ESRRA: variants seen among roughly 807,000 people sequenced by gnomAD.
ESRRA encodes the protein estrogen related receptor alpha.
ESRRA carries 7 observed loss-of-function variants against 35.6 expected under a neutral mutation model. That is an observed-to-expected ratio of 0.20 (90% CI 0.11 to 0.37). ESRRA has a LOEUF of 0.37. Ranked by LOEUF, ESRRA falls within the 10% of genes least tolerant of loss-of-function variation. ESRRA has a pLI of 1.00. For missense variants in ESRRA, 378 were observed against 561.7 expected, an observed-to-expected ratio of 0.67 and a Z score of 3.31; for synonymous variants, 223 against 246.9, an observed-to-expected ratio of 0.90 and a Z score of 0.91.
chr11:64,312,466 C>T (rs560200719), intron 2 of ESRRA, among the ~76,000 whole-genome samples: 38 of 152,222 alleles, frequency 2.5e-4, no homozygotes, highest in Middle Eastern at 3.4e-3. Flanking sequence ...AGTGCAGAAG[C>T]GCAAATAGGG....
Position 64,316,213 on chromosome 11 carries a change from G to C in ESRRA, c.*247G>C, listed in dbSNP as rs2035259060. On this transcript the variant is annotated 3_prime_UTR_variant, in exon 7 of 7. Transcript: ENST00000000442. The stretch of plus-strand genomic sequence containing the variant: ...CCTTGCAAGCCATAACGTGCCCCCA[G>C]AGTGTAGGGGGCCTTGCGGAAGCCA... 2 of 467,160 alleles carry C rather than the reference G, an allele frequency of 4.3e-6. No individual in the cohort carries two copies. The highest frequency in any genetic ancestry group is 3.9e-5 in the African/African-American group (2 of 50,864). The allele number at this position is 467,160 out of a possible 1,614,324, so 28.9% of individuals were successfully genotyped here.
rs2035120677 is a variant in ESRRA at position 64,310,551 on chromosome 11, T to G, written c.325+3047T>G. On this transcript the variant is annotated intron_variant, in intron 2 of 6. Transcript: ENST00000000442. Reference sequence around the variant, plus strand: ...TCCTGGCCAGGTTTTTTTTTTTTTTTTTTTTTTTTTTGAGATGGAGTTTTG... The same window carrying G: ...TCCTGGCCAGGTTTTTTTTTTTTTTGTTTTTTTTTTTGAGATGGAGTTTTG... 4.9e-5 allele frequency among the ~76,000 whole-genome samples: 7 copies of G among 144,292 alleles called. No homozygotes were observed. The South Asian group carries it at 1.7e-3, about 36-fold the overall frequency. The allele number at this position is 144,292 out of a possible 152,430, so 94.7% of individuals were successfully genotyped here. A position where few individuals can be genotyped will look rare whatever the true frequency, so the allele number is the denominator to read the frequency against.
intron 2 of ESRRA, among the ~76,000 whole-genome samples, chr11:64,311,503 C>G (rs2035139773): frequency 6.6e-6 from 1 of 151,884 alleles, no homozygotes; most frequent in Non-Finnish European, 1.5e-5. Context: ...GCAAGCTCCG[C>G]CTCCCGGGTT....
chr11:64,314,122 G>A (rs1273647719), intron 3 of ESRRA, 55 bp downstream of exon 3: 1 of 1,552,550 alleles, frequency 6.4e-7, no homozygotes, highest in Admixed American at 1.9e-5. Flanking sequence ...ACCCGGGCCA[G>A]GTGGGGGTGA....
In ESRRA at chr11:64,316,472, C is replaced by T. The variant is rs1170520564; in HGVS notation, c.*506C>T. ...GCAATAACTCCAAGCAGACTCCAGCCCCTGGACCCCTGGGGTGGCCAGGGC... is the reference window on the plus strand; with the variant it reads ...GCAATAACTCCAAGCAGACTCCAGCTCCTGGACCCCTGGGGTGGCCAGGGC... On this transcript the variant is annotated 3_prime_UTR_variant, in exon 7 of 7. Coordinates refer to ENST00000000442, the MANE Select transcript of ESRRA (RefSeq NM_004451.5). The T allele has an allele frequency of 1.8e-5, 4 of 217,042 alleles. No individual in the cohort carries two copies. The South Asian group carries it at 2.6e-4, about 14-fold the overall frequency. The allele number at this position is 217,042 out of a possible 1,614,324, so 13.4% of individuals were successfully genotyped here.
At position 64,315,965 on chromosome 11, in the gene ESRRA, G is replaced by A; in HGVS notation, c.1271G>A (p.Ter424=). The change falls in exon 7 of 7, where the codon TGA becomes TAA. Residue 424 remains the stop codon, a stop_retained_variant. Coordinates refer to ENST00000000442, the MANE Select transcript of ESRRA (RefSeq NM_004451.5). ...FLEMLEAMMD[*] ...GAGATGCTCGAGGCCATGATGGACT[G>A]AGGCAAGGGGTGGGACTGGTGGGGG... is the stretch of plus-strand genomic sequence containing the variant. The A allele has an allele frequency of 1.3e-6, 2 of 1,562,826 alleles. No homozygotes were observed. Among genetic ancestry groups the A allele is most frequent in the Non-Finnish European group, 1.7e-6 (2 of 1,150,048 alleles).
At chr11:64,309,960 A>C (rs1348447763) in intron 2 of ESRRA, among the ~76,000 whole-genome samples, 1 of 150,614 alleles carries the variant, frequency 6.6e-6, no homozygotes, top group Non-Finnish European at 1.5e-5. Flanking sequence ...AAAAATCTTG[A>C]GTGCTTACCT....
At chr11:64,310,567 T>G (rs2035121543) in intron 2 of ESRRA, among the ~76,000 whole-genome samples, 1 of 117,366 alleles carries the variant, frequency 8.5e-6, no homozygotes, top group Non-Finnish European at 1.7e-5. Context: ...TTTTTTGAGA[T>G]GGAGTTTTGC....
In ESRRA at chr11:64,305,583, G is replaced by C. The variant is rs1473224759; in HGVS notation, c.-166G>C. ...GATGTCCTTTTGTGTCCTACAAGCA[G>C]CCGGCGGCGCCGCCGAGTGAGGGGA... On this transcript the variant is annotated 5_prime_UTR_variant, in exon 1 of 7. Coordinates refer to ENST00000000442, the MANE Select transcript of ESRRA (RefSeq NM_004451.5). This position sits in a 1 kb window ranked among gnomAD's most constrained non-coding sequence, Gnocchi z 5.8. The C allele has an allele frequency of 2.0e-5, 3 of 151,314 alleles. No individual in the cohort carries two copies. Among genetic ancestry groups the C allele is most frequent in the South Asian group, 4.1e-4 (2 of 4,844 alleles). 9.4% of individuals were successfully genotyped at this position (151,314 alleles called of 1,614,324 possible).
intron 6 of ESRRA, 71 bp downstream of exon 6, chr11:64,315,341 C>A: frequency 6.8e-7 from 1 of 1,465,726 alleles, no homozygotes; most frequent in Non-Finnish European, 9.1e-7. Flanking sequence ...GTGACGGTAG[C>A]ACAGCCCCAT....
At chr11:64,307,066 GA>G in intron 1 of ESRRA, 101 bp from the exon 2 acceptor site, 1 of 958,992 alleles carries the variant, frequency 1.0e-6, no homozygotes, top group Non-Finnish European at 1.5e-6. Context: ...GCTGGGCTTG[GA>G]AGCCTGGCCC....
rs1465576747 is a variant in ESRRA, at chr11:64,313,848, C to A, written c.326-103C>A. 1 of 761,416 alleles carries A rather than the reference C, an allele frequency of 1.3e-6. No homozygotes were observed. Among genetic ancestry groups the A allele is most frequent in the Non-Finnish European group, 2.2e-6 (1 of 464,290 alleles). The allele number at this position is 761,416 out of a possible 1,614,324, so 47.2% of individuals were successfully genotyped here. A position where few individuals can be genotyped will look rare whatever the true frequency, so the allele number is the denominator to read the frequency against. On this transcript the variant is annotated intron_variant, in intron 2 of 6. Coordinates refer to ENST00000000442, the MANE Select transcript of ESRRA (RefSeq NM_004451.5). This position sits in a 1 kb window ranked among gnomAD's most constrained non-coding sequence, Gnocchi z 4.0. ...CCTGCTCTCCCTTTCCTCCCCATAC[C>A]CCCAGACCTGTGCTTGCCCGGGGAG...
intron 2 of ESRRA, among the ~76,000 whole-genome samples, chr11:64,309,804 T>A (rs1455958106): frequency 6.6e-6 from 1 of 151,396 alleles, no homozygotes; most frequent in Admixed American, 6.6e-5. Context: ...TCGTGGTGGG[T>A]GCCTGTAGTC....
chr11:64,312,081 C>G (rs1483503907), intron 2 of ESRRA, among the ~76,000 whole-genome samples: 1 of 151,248 alleles, frequency 6.6e-6, no homozygotes, highest in Non-Finnish European at 1.5e-5. Flanking sequence ...CGGGTTCAAG[C>G]GATTCTCCTG....
chr11:64,315,820 C>T lies in ESRRA; in HGVS notation c.1126C>T (p.Arg376Trp), dbSNP rs921645222. 1.3e-5 allele frequency: 21 copies of T among 1,611,464 alleles called. No individual in the cohort carries two copies. Among genetic ancestry groups the T allele is most frequent in the South Asian group, 3.3e-5 (3 of 90,916 alleles). Residue 376 changes from arginine (R) to tryptophan (W), a missense_variant, in exon 7 of 7, where the codon CGG becomes TGG. By Grantham distance (101) the Arg-to-Trp change is moderately radical. Transcript: ENST00000000442. ...TGGCCCCGGAGGGGGTGCTGAGCGG[C>T]GGCGGGCGGGCAGGCTGCTGCTCAC... ...RAGPGGGAER[R>W]RAGRLLLTLP...
chr11:64,316,576 A>G lies in ESRRA; in HGVS notation c.*610A>G, dbSNP rs2035274156. ...ATGCCCTGCAGAGCAATAACACTAT[A>G]TTTATTTTTGGGTTTGGCCAGGGAG... On this transcript the variant is annotated 3_prime_UTR_variant, in exon 7 of 7. Coordinates refer to ENST00000000442, the MANE Select transcript of ESRRA (RefSeq NM_004451.5). 4 of 371,572 alleles carry G rather than the reference A, an allele frequency of 1.1e-5. No individual in the cohort carries two copies. The South Asian group carries it at 1.1e-4, about 10-fold the overall frequency. 23.0% of individuals were successfully genotyped at this position (371,572 alleles called of 1,614,324 possible).
chr11:64,313,844 A>C lies in ESRRA; in HGVS notation c.326-107A>C. The stretch of plus-strand genomic sequence containing the variant: ...GCCCCCTGCTCTCCCTTTCCTCCCC[A>C]TACCCCCAGACCTGTGCTTGCCCGG... On this transcript the variant is annotated intron_variant, in intron 2 of 6. Coordinates refer to ENST00000000442, the MANE Select transcript of ESRRA (RefSeq NM_004451.5). The surrounding 1 kb of genome is among the most constrained non-coding windows in gnomAD (Gnocchi z 4.0). The C allele has an allele frequency of 1.4e-6, 1 of 697,440 alleles. No homozygotes were observed. Among genetic ancestry groups the C allele is most frequent in the African/African-American group, 1.8e-5 (1 of 54,856 alleles). The allele number at this position is 697,440 out of a possible 1,614,324, so 43.2% of individuals were successfully genotyped here.
chr11:64,310,958 A>T (rs2035129282), intron 2 of ESRRA, among the ~76,000 whole-genome samples: 1 of 152,106 alleles, frequency 6.6e-6, no homozygotes, highest in African/African-American at 2.4e-5. Flanking sequence ...TCTCCTACCT[A>T]CCCTGGGGCC....
chr11:64,316,580 AT>A lies in ESRRA; in HGVS notation c.*619del. 2.6e-6 allele frequency: 1 copy of A among 383,490 alleles called. No homozygotes were observed. Among genetic ancestry groups the A allele is most frequent in the Non-Finnish European group, 4.8e-6 (1 of 207,754 alleles). 23.8% of individuals were successfully genotyped at this position (383,490 alleles called of 1,614,324 possible). A position where few individuals can be genotyped will look rare whatever the true frequency, so the allele number is the denominator to read the frequency against. On this transcript the variant is annotated 3_prime_UTR_variant, in exon 7 of 7. Coordinates refer to ENST00000000442, the MANE Select transcript of ESRRA (RefSeq NM_004451.5). ...CCTGCAGAGCAATAACACTATATTT[AT>A]TTTTGGGTTTGGCCAGGGAGGCGCA...
Sources: allele counts gnomAD v4.1 joint callset (sites outside exome capture counted in the v4.1 genomes callset), GRCh38; gene constraint gnomAD v4.1.1; non-coding constraint Gnocchi (gnomAD v3.1); transcripts MANE v1.5; gene names NCBI Gene and HGNC (gene_info 2026-07-23, HGNC 2026-07-21).